The following CSMD1 variants were observed in gnomAD, a reference collection of about 807,000 sequenced individuals.
CSMD1 encodes the protein CUB and sushi domain-containing protein 1.
In CSMD1, 213 loss-of-function variants were observed where a neutral mutation model predicts 417.5. That is an observed-to-expected ratio of 0.51 (90% CI 0.46 to 0.57). CSMD1 has a LOEUF of 0.57. CSMD1 is among the 20% of genes least tolerant of loss of function. CSMD1 has a pLI of 0.00. For synonymous variants in CSMD1, 2,862 were observed against 1,736.8 expected (o/e 1.65, Z -16.11); for missense variants, 6,923 against 4,529.7 (o/e 1.53, Z -15.17).
chr8:4,338,944 C>G (rs1800323742), intron 3 of CSMD1, among the ~76,000 whole-genome samples: 1 of 152,076 alleles, frequency 6.6e-6, no homozygotes, highest in Non-Finnish European at 1.5e-5. Flanking sequence ...GTAAGCGTAT[C>G]TGAACATAGG....
Position 3,752,676 on chromosome 8 carries a change from C to CAAAAAAAAAAA in CSMD1, c.931+1243_931+1253dup, listed in dbSNP as rs200769696. 3.1e-5 allele frequency among the ~76,000 whole-genome samples: 3 copies of CAAAAAAAAAAA among 96,978 alleles called. 1 individual carries two copies. Among genetic ancestry groups the CAAAAAAAAAAA allele is most frequent in the East Asian group, 3.7e-4 (1 of 2,724 alleles). The allele number at this position is 96,978 out of a possible 152,430, so 63.6% of individuals were successfully genotyped here. ...CCACTGCCACCCACTCCCCGCCTGG[C>CAAAAAAAAAAA]AAAAAAAAAAAAAAAAAAAAAAAAA... On this transcript the variant is annotated intron_variant, in intron 6 of 69. Transcript: ENST00000635120.
At chr8:4,875,907 A>G (rs1370928325) in intron 1 of CSMD1, among the ~76,000 whole-genome samples, 1 of 152,110 alleles carries the variant, frequency 6.6e-6, no homozygotes, top group East Asian at 1.9e-4. Context: ...TACTCAAAAG[A>G]GTCTTTAATA....
chr8:4,975,138 T>C (rs1022222222), intron 1 of CSMD1, among the ~76,000 whole-genome samples: 4 of 152,176 alleles, frequency 2.6e-5, no homozygotes, highest in Admixed American at 2.0e-4. Flanking sequence ...CAATGTGACC[T>C]AGTGGTTCCA....
intron 5 of CSMD1, among the ~76,000 whole-genome samples, chr8:3,845,887 G>A (rs10092981): frequency 0.29 from 43,668 of 150,434 alleles, 6,393 homozygotes; most frequent in Non-Finnish European, 0.32. Context: ...AAACACACAC[G>A]TTGTCCTAGG....
At chr8:4,967,024 T>C (rs1213641666) in intron 1 of CSMD1, among the ~76,000 whole-genome samples, 2 of 152,188 alleles carry the variant, frequency 1.3e-5, no homozygotes, top group Non-Finnish European at 2.9e-5. Flanking sequence ...TGGCAGGAAA[T>C]TGACCAGACA....
At chr8:4,914,838 G>T (rs774505004) in intron 1 of CSMD1, among the ~76,000 whole-genome samples, 3 of 152,194 alleles carry the variant, frequency 2.0e-5, no homozygotes, top group Non-Finnish European at 4.4e-5. Flanking sequence ...ACATCAGGGA[G>T]TTTCACCTAC....
intron 1 of CSMD1, among the ~76,000 whole-genome samples, chr8:4,887,390 G>C (rs1803822287): frequency 6.6e-6 from 1 of 151,990 alleles, no homozygotes; most frequent in Non-Finnish European, 1.5e-5. Context: ...CGTAAATACA[G>C]TTATCATGGA....
intron 49 of CSMD1, among the ~76,000 whole-genome samples, chr8:3,086,165 C>T (rs935152416): frequency 1.3e-5 from 2 of 151,838 alleles, no homozygotes; most frequent in African/African-American, 2.4e-5. Flanking sequence ...AATATATCTT[C>T]TTCTAAAAGA....
intron 1 of CSMD1, among the ~76,000 whole-genome samples, chr8:4,827,529 G>C (rs1799905113): frequency 6.6e-6 from 1 of 152,086 alleles, no homozygotes; most frequent in Non-Finnish European, 1.5e-5. Flanking sequence ...TTTCCACCAA[G>C]TTTCTTGGGA....
At chr8:3,765,272 A>T (rs1472726243) in intron 5 of CSMD1, among the ~76,000 whole-genome samples, 1 of 152,106 alleles carries the variant, frequency 6.6e-6, no homozygotes, top group African/African-American at 2.4e-5. Flanking sequence ...CAGTCAATCT[A>T]TGCTAGCCCC....
intron 4 of CSMD1, among the ~76,000 whole-genome samples, chr8:4,021,454 G>A (rs976179408): frequency 1.5e-4 from 23 of 152,218 alleles, no homozygotes; most frequent in African/African-American, 4.8e-4. Context: ...CTAAGGACCT[G>A]GCTTTTGTTG....
rs983160342 is a variant in CSMD1 at position 4,461,644 on chromosome 8, G to A, written c.303-41579C>T. Among the ~76,000 whole-genome samples the A allele has an allele frequency of 2.6e-5, 4 of 151,718 alleles. No homozygotes were observed. The South Asian group carries it at 8.3e-4, about 32-fold the overall frequency. On this transcript the variant is annotated intron_variant, in intron 2 of 69. Transcript: ENST00000635120. ...CAGCCCACTGCATCGTGTACCTCCT[G>A]GGCTCAAGCAATCCTCCCACCTCAG...
chr8:4,646,893 G>A (rs973578345), intron 1 of CSMD1, among the ~76,000 whole-genome samples: 1 of 152,124 alleles, frequency 6.6e-6, no homozygotes, highest in African/African-American at 2.4e-5. Flanking sequence ...GACAAATTAT[G>A]AGCAGATTTT....
intron 12 of CSMD1, among the ~76,000 whole-genome samples, chr8:3,430,496 C>A (rs902190461): frequency 2.0e-5 from 3 of 152,040 alleles, no homozygotes; most frequent in Non-Finnish European, 4.4e-5. Flanking sequence ...CCCTTTATTT[C>A]ATCATTACAA....
chr8:3,531,369 C>G lies in CSMD1; in HGVS notation c.1345-37643G>C, dbSNP rs149930036. 2.3e-3 allele frequency among the ~76,000 whole-genome samples: 356 copies of G among 152,220 alleles called. 1 individual carries two copies. Among genetic ancestry groups the G allele is most frequent in the Non-Finnish European group, 3.7e-3 (254 of 68,018 alleles). ...CTATCCGACTTATGCGGCATTTGCT[C>G]AGATGTGTTTTCATTATAGAATCTG... On this transcript the variant is annotated intron_variant, in intron 10 of 69. Coordinates refer to ENST00000635120, the MANE Select transcript of CSMD1 (RefSeq NM_033225.6).
chr8:3,645,829 A>C (rs1797546175), intron 7 of CSMD1, among the ~76,000 whole-genome samples: 1 of 152,250 alleles, frequency 6.6e-6, no homozygotes, highest in Non-Finnish European at 1.5e-5. Flanking sequence ...ACTGGGCTAC[A>C]AGAAGAATCA....
At chr8:4,749,191 G>C (rs1479757297) in intron 1 of CSMD1, among the ~76,000 whole-genome samples, 2 of 152,198 alleles carry the variant, frequency 1.3e-5, no homozygotes, top group African/African-American at 4.8e-5. Context: ...ATATGGATTA[G>C]AATATTCTTA....
intron 3 of CSMD1, among the ~76,000 whole-genome samples, chr8:4,043,386 C>G (rs1418361838): frequency 2.0e-5 from 3 of 152,054 alleles, no homozygotes; most frequent in Non-Finnish European, 2.9e-5. Flanking sequence ...TACAGCCACA[C>G]CAATAAACAT....
chr8:3,282,554 A>AG (rs1802820500), intron 26 of CSMD1, among the ~76,000 whole-genome samples: 1 of 151,874 alleles, frequency 6.6e-6, no homozygotes, highest in Non-Finnish European at 1.5e-5. Context: ...ACAACAAAAA[A>AG]CAAGAGTGAT....
Sources: allele counts gnomAD v4.1 joint callset (sites outside exome capture counted in the v4.1 genomes callset), GRCh38; gene constraint gnomAD v4.1.1; transcripts MANE v1.5; gene names NCBI Gene and HGNC (gene_info 2026-07-23, HGNC 2026-07-21).